Variants in PCBP3 observed in about 807,000 individuals in gnomAD.
PCBP3 encodes poly(rC)-binding protein 3.
A neutral mutation model predicts 52.7 loss-of-function variants in PCBP3; 25 were observed. The observed-to-expected ratio is 0.47, with a 90% CI of 0.35 to 0.66. The LOEUF (loss-of-function observed/expected upper bound fraction) is 0.66. Ranked by LOEUF, PCBP3 falls within the 30% of genes least tolerant of loss-of-function variation. PCBP3 has a pLI of 0.01. For missense variants in PCBP3, 391 were observed against 490.3 expected, an observed-to-expected ratio of 0.80 and a Z score of 1.91; for synonymous variants, 162 against 183.0, an observed-to-expected ratio of 0.89 and a Z score of 0.93.
At position 45,735,775 on chromosome 21, in the gene PCBP3, G is replaced by A. The variant is rs1569164199; in HGVS notation, c.-162+346G>A. Among the ~76,000 whole-genome samples, 2 of 152,168 alleles carry A rather than the reference G, an allele frequency of 1.3e-5. No individual in the cohort carries two copies. The highest frequency in any genetic ancestry group is 2.9e-5 in the Non-Finnish European group (2 of 68,016). On this transcript the variant is annotated intron_variant, in intron 3 of 17. Coordinates refer to ENST00000681687, the MANE Select transcript of PCBP3 (RefSeq NM_001384156.1). This position sits in a 1 kb window ranked among gnomAD's most constrained non-coding sequence, Gnocchi z 4.0. Reference sequence around the variant, plus strand: ...TTAGTGCACTTGGAGCCTACTGCACGAGCCTACCGCACAAGCCTACCGCAC... The same window carrying A: ...TTAGTGCACTTGGAGCCTACTGCACAAGCCTACCGCACAAGCCTACCGCAC...
At chr21:45,723,485 A>G (rs1272310935) in intron 2 of PCBP3, among the ~76,000 whole-genome samples, 2 of 152,268 alleles carry the variant, frequency 1.3e-5, no homozygotes, top group East Asian at 3.8e-4. Context: ...AAGTTCATGT[A>G]CTAACTGACA....
intron 11 of PCBP3, 145 bp downstream of exon 11, chr21:45,911,175 C>A: frequency 1.1e-6 from 1 of 932,934 alleles, no homozygotes; most frequent in Non-Finnish European, 1.7e-6. Flanking sequence ...TCAGCCTGAG[C>A]GAGAGCGGTG....
At chr21:45,798,058 A>C (rs1201501538) in intron 4 of PCBP3, among the ~76,000 whole-genome samples, 2 of 141,700 alleles carry the variant, frequency 1.4e-5, no homozygotes, top group Admixed American at 7.1e-5. Context: ...AGAGAGAGTG[A>C]ATGGATGTGC....
Position 45,681,346 on chromosome 21 carries a change from A to G in PCBP3, c.-200+12394A>G, listed in dbSNP as rs537886189. Among the ~76,000 whole-genome samples, 32 of 152,356 alleles carry G rather than the reference A, an allele frequency of 2.1e-4. No homozygotes were observed. In the East Asian group the frequency reaches 6.2e-3, roughly 29 times the overall value. ...TTTCTTCTTTAGCCTGTAAATATGAAGTACTACATTAATTGATTTTCAAAT... is the reference window on the plus strand; with the variant it reads ...TTTCTTCTTTAGCCTGTAAATATGAGGTACTACATTAATTGATTTTCAAAT... On this transcript the variant is annotated intron_variant, in intron 2 of 17. Coordinates refer to ENST00000681687, the MANE Select transcript of PCBP3 (RefSeq NM_001384156.1).
chr21:45,791,758 G>C lies in PCBP3; in HGVS notation c.-126+36306G>C, dbSNP rs2091597806. Among the ~76,000 whole-genome samples the C allele has an allele frequency of 1.3e-5, 2 of 152,254 alleles. No homozygotes were observed. Among genetic ancestry groups the C allele is most frequent in the Admixed American group, 6.5e-5 (1 of 15,286 alleles). ...CCTGGTAACTGCCAACCGCTTGACTGACTGCACAGCAAGTGTTAGGTCGTG... is the reference window on the plus strand; with the variant it reads ...CCTGGTAACTGCCAACCGCTTGACTCACTGCACAGCAAGTGTTAGGTCGTG... On this transcript the variant is annotated intron_variant, in intron 4 of 17. Transcript: ENST00000681687. The surrounding 1 kb of genome is among the most constrained non-coding windows in gnomAD (Gnocchi z 4.2).
At chr21:45,646,651 C>G (rs2079332699) in intron 1 of PCBP3, among the ~76,000 whole-genome samples, 1 of 152,208 alleles carries the variant, frequency 6.6e-6, no homozygotes, top group African/African-American at 2.4e-5. Flanking sequence ...GGGCAGAGCC[C>G]TCTTGATCCA....
intron 5 of PCBP3, among the ~76,000 whole-genome samples, chr21:45,863,105 G>A (rs1261648824): frequency 1.3e-5 from 2 of 152,174 alleles, no homozygotes; most frequent in Non-Finnish European, 2.9e-5. Context: ...GGTCTTTCTT[G>A]TGGGGCAGAC....
At chr21:45,649,249 TCA>T (rs1437796090) in intron 1 of PCBP3, among the ~76,000 whole-genome samples, 1 of 152,178 alleles carries the variant, frequency 6.6e-6, no homozygotes, top group Non-Finnish European at 1.5e-5. Flanking sequence ...TGAGACTTAC[TCA>T]CTGTCACAAG....
In PCBP3 at chr21:45,861,733, G is replaced by A. The variant is rs140745355; in HGVS notation, c.10+11638G>A. Among the ~76,000 whole-genome samples, 308 of 152,278 alleles carry A rather than the reference G, an allele frequency of 2.0e-3. 3 individuals are homozygous for A. The East Asian group carries it at 0.05, about 25-fold the overall frequency. On this transcript the variant is annotated intron_variant, in intron 5 of 17. Coordinates refer to ENST00000681687, the MANE Select transcript of PCBP3 (RefSeq NM_001384156.1). ...ATGGCGCCAGCTGGGCCTGCTTCTC[G>A]CCCTGCACTTCAGCTTGTGCCTCCT...
chr21:45,756,354 T>C (rs1422029939), intron 4 of PCBP3, among the ~76,000 whole-genome samples: 1 of 152,202 alleles, frequency 6.6e-6, no homozygotes, highest in Non-Finnish European at 1.5e-5. Context: ...AGTCTTGAAA[T>C]CAGGTACAAT....
At chr21:45,861,382 A>G (rs909491654) in intron 5 of PCBP3, among the ~76,000 whole-genome samples, 1 of 151,974 alleles carries the variant, frequency 6.6e-6, no homozygotes, top group African/African-American at 2.4e-5. Context: ...ACCAGCCTCA[A>G]CGCTCAGTGT....
intron 2 of PCBP3, among the ~76,000 whole-genome samples, chr21:45,710,787 A>G (rs1339521421): frequency 6.6e-6 from 1 of 152,236 alleles, no homozygotes; most frequent in African/African-American, 2.4e-5. Context: ...GACTAGTATT[A>G]TCTTGGGAGA....
At chr21:45,713,545 AGT>A (rs2084001794) in intron 2 of PCBP3, among the ~76,000 whole-genome samples, 1 of 152,238 alleles carries the variant, frequency 6.6e-6, no homozygotes, top group African/African-American at 2.4e-5. Flanking sequence ...ATGAAGGCAG[AGT>A]GAGATTTCTT....
intron 4 of PCBP3, among the ~76,000 whole-genome samples, chr21:45,797,005 C>T (rs2838997): frequency 3.9e-5 from 6 of 151,978 alleles, no homozygotes; most frequent in Non-Finnish European, 8.8e-5. Flanking sequence ...GAGAATCAGC[C>T]GAGAATTAGG....
At chr21:45,889,977 A>G (rs930964325) in intron 5 of PCBP3, among the ~76,000 whole-genome samples, 12 of 152,262 alleles carry the variant, frequency 7.9e-5, no homozygotes, top group African/African-American at 2.2e-4. Context: ...GCTCCAGCCA[A>G]TGACCCCATT....
chr21:45,835,956 A>T (rs919642084), intron 4 of PCBP3, among the ~76,000 whole-genome samples: 1 of 152,168 alleles, frequency 6.6e-6, no homozygotes, highest in East Asian at 1.9e-4. Context: ...GGCCGCAGGC[A>T]TGGTAACCTC....
intron 4 of PCBP3, among the ~76,000 whole-genome samples, chr21:45,799,064 G>C (rs963606751): frequency 6.0e-5 from 9 of 151,190 alleles, no homozygotes; most frequent in African/African-American, 1.7e-4. Context: ...GGGTGAATGC[G>C]TACATGGATG....
intron 2 of PCBP3, among the ~76,000 whole-genome samples, chr21:45,692,512 C>T (rs924999166): frequency 2.0e-5 from 3 of 152,066 alleles, no homozygotes; most frequent in Non-Finnish European, 4.4e-5. Flanking sequence ...CTTTAGCCAG[C>T]GTATTAAACA....
intron 16 of PCBP3, among the ~76,000 whole-genome samples, 199 bp from the exon 17 acceptor site, chr21:45,939,831 G>C (rs1041294643): frequency 6.6e-6 from 1 of 152,206 alleles, no homozygotes. Context: ...CTCTCAGCCT[G>C]ACCTCGGGCA....
Sources: allele counts gnomAD v4.1 joint callset (sites outside exome capture counted in the v4.1 genomes callset), GRCh38; gene constraint gnomAD v4.1.1; non-coding constraint Gnocchi (gnomAD v3.1); transcripts MANE v1.5; gene names NCBI Gene and HGNC (gene_info 2026-07-23, HGNC 2026-07-21).